The following SPOCK3 variants were observed in gnomAD, a reference collection of about 807,000 sequenced individuals.
SPOCK3 encodes SPARC (osteonectin), cwcv and kazal like domains proteoglycan 3.
In SPOCK3, 30 loss-of-function variants were observed where a neutral mutation model predicts 56.6. The observed-to-expected ratio is 0.53, with a 90% CI of 0.40 to 0.72. The LOEUF is 0.72. Ranked by LOEUF, SPOCK3 falls within the 30% of genes least tolerant of loss-of-function variation. The pLI, the probability that SPOCK3 is intolerant of heterozygous loss-of-function variation, is 0.00. For missense variants in SPOCK3, 527 were observed against 530.0 expected (o/e 0.99, Z 0.06); for synonymous variants, 196 against 183.3 (o/e 1.07, Z -0.56).
At chr4:166,986,760 C>A (rs538339137) in intron 4 of SPOCK3, among the ~76,000 whole-genome samples, 2 of 152,002 alleles carry the variant, frequency 1.3e-5, no homozygotes, top group Admixed American at 6.6e-5. Context: ...GATTTTACAT[C>A]GCCATTTCAA....
intron 2 of SPOCK3, among the ~76,000 whole-genome samples, chr4:167,139,577 CTTTTA>C (rs780803941): frequency 6.6e-6 from 1 of 151,828 alleles, no homozygotes; most frequent in Non-Finnish European, 1.5e-5. Flanking sequence ...TATAAAAGTG[CTTTTA>C]TTTCTCTTTA....
At chr4:167,134,683 T>C (rs17521607) in intron 2 of SPOCK3, among the ~76,000 whole-genome samples, 9,745 of 152,214 alleles carry the variant, frequency 0.064, 384 homozygotes, top group Non-Finnish European at 0.086. Context: ...TTATCAAAAG[T>C]ATTCAAAGGA....
At chr4:167,113,399 C>A (rs1268432479) in intron 2 of SPOCK3, among the ~76,000 whole-genome samples, 2 of 150,582 alleles carry the variant, frequency 1.3e-5, no homozygotes, top group Non-Finnish European at 2.9e-5. Context: ...CATTAACTAT[C>A]TTTTAGGTTT....
chr4:166,984,543 A>T (rs1746929575), intron 4 of SPOCK3, among the ~76,000 whole-genome samples: 1 of 152,106 alleles, frequency 6.6e-6, no homozygotes, highest in Non-Finnish European at 1.5e-5. Flanking sequence ...CCATTTAAAA[A>T]ATTCGTGGCA....
At position 167,205,561 on chromosome 4, in the gene SPOCK3, TA is replaced by T. The variant is rs1275832062; in HGVS notation, c.189+28423del. ...AATATATATTATATAATATATAATATATATTATATATATAATATAATATAAA... is the reference window on the plus strand; with the variant it reads ...AATATATATTATATAATATATAATATTATTATATATATAATATAATATAAA... On this transcript the variant is annotated intron_variant, in intron 2 of 10. Coordinates refer to ENST00000357545, the MANE Select transcript of SPOCK3 (RefSeq NM_001040159.2). Among the ~76,000 whole-genome samples the T allele has an allele frequency of 4.8e-5, 4 of 83,608 alleles. No individual in the cohort carries two copies. The East Asian group carries it at 1.3e-3, about 26-fold the overall frequency. The allele number at this position is 83,608 out of a possible 152,430, so 54.9% of individuals were successfully genotyped here.
intron 5 of SPOCK3, among the ~76,000 whole-genome samples, chr4:166,909,537 T>G (rs1266253513): frequency 3.3e-5 from 5 of 151,996 alleles, no homozygotes; most frequent in African/African-American, 1.2e-4. Context: ...AAAAAACCAT[T>G]TGTATCAATG....
intron 7 of SPOCK3, among the ~76,000 whole-genome samples, chr4:166,770,996 T>A (rs1738861580): frequency 6.7e-6 from 1 of 149,894 alleles, no homozygotes; most frequent in Admixed American, 6.7e-5. Flanking sequence ...TATCATATAA[T>A]ACTATATATA....
chr4:166,840,775 T>TTTTTTTTG (rs1747175732), intron 6 of SPOCK3, among the ~76,000 whole-genome samples: 1 of 135,118 alleles, frequency 7.4e-6, no homozygotes, highest in Non-Finnish European at 1.6e-5. Flanking sequence ...GCAAAAGTTT[T>TTTTTTTTG]TTTTTTTTTT....
chr4:166,869,345 C>T (rs994298030), intron 6 of SPOCK3, among the ~76,000 whole-genome samples: 7 of 152,032 alleles, frequency 4.6e-5, no homozygotes, highest in African/African-American at 1.7e-4. Flanking sequence ...AAATTAAGAT[C>T]CTTGGCTCTC....
intron 10 of SPOCK3, among the ~76,000 whole-genome samples, chr4:166,736,260 T>C (rs1218544651): frequency 6.6e-6 from 1 of 152,146 alleles, no homozygotes; most frequent in Non-Finnish European, 1.5e-5. Flanking sequence ...TCTTGTTCAC[T>C]TAAGGAACTC....
intron 2 of SPOCK3, among the ~76,000 whole-genome samples, chr4:167,167,081 C>T (rs1178872425): frequency 6.6e-6 from 1 of 151,918 alleles, no homozygotes; most frequent in Admixed American, 6.6e-5. Flanking sequence ...AGCTGAACTC[C>T]TTATGTAACT....
intron 3 of SPOCK3, among the ~76,000 whole-genome samples, chr4:167,023,123 T>C (rs1256641762): frequency 6.6e-6 from 1 of 151,946 alleles, no homozygotes; most frequent in Non-Finnish European, 1.5e-5. Flanking sequence ...CTAATGGTCT[T>C]CCCCTCACAA....
chr4:167,108,546 G>GC (rs1012702899), intron 2 of SPOCK3, among the ~76,000 whole-genome samples: 1 of 151,812 alleles, frequency 6.6e-6, no homozygotes, highest in African/African-American at 2.4e-5. Flanking sequence ...AGTGCAATTA[G>GC]CCAGGCACAG....
chr4:167,192,110 T>G (rs1732518038), intron 2 of SPOCK3, among the ~76,000 whole-genome samples: 1 of 146,230 alleles, frequency 6.8e-6, no homozygotes, highest in Admixed American at 7.0e-5. Context: ...TGAACAATTT[T>G]TGCATTCCAA....
intron 4 of SPOCK3, among the ~76,000 whole-genome samples, chr4:166,921,467 C>T (rs1287650547): frequency 6.6e-6 from 1 of 152,092 alleles, no homozygotes; most frequent in Non-Finnish European, 1.5e-5. Context: ...TAGGCGCACG[C>T]CACCACGCTC....
chr4:167,119,538 CA>C (rs1761698069), intron 2 of SPOCK3, among the ~76,000 whole-genome samples: 1 of 152,084 alleles, frequency 6.6e-6, no homozygotes, highest in Non-Finnish European at 1.5e-5. Flanking sequence ...CATCTCTTAA[CA>C]AAATACTCAT....
chr4:167,195,689 C>T (rs1302393729), intron 2 of SPOCK3, among the ~76,000 whole-genome samples: 2 of 152,164 alleles, frequency 1.3e-5, no homozygotes, highest in East Asian at 1.9e-4. Flanking sequence ...GTAGATGACG[C>T]TGGAGGTAGG....
chr4:167,210,532 C>A (rs912384942), intron 2 of SPOCK3, among the ~76,000 whole-genome samples: 1 of 152,052 alleles, frequency 6.6e-6, no homozygotes, highest in African/African-American at 2.4e-5. Flanking sequence ...TACTGACATG[C>A]TTTCAATCTC....
intron 2 of SPOCK3, among the ~76,000 whole-genome samples, chr4:167,097,371 A>AT (rs1045204576): frequency 4.7e-5 from 7 of 148,726 alleles, no homozygotes; most frequent in Non-Finnish European, 9.0e-5. Context: ...TAGTATCTTC[A>AT]TTTTTTTTTC....
Sources: gnomAD v4.1 joint callset for allele counts (sites outside exome capture counted in the v4.1 genomes callset) on GRCh38, gnomAD v4.1.1 for gene constraint, MANE v1.5 for transcripts, NCBI Gene and HGNC (gene_info 2026-07-23, HGNC 2026-07-21) for gene names.